The following RERE variants were observed in gnomAD, a reference collection of about 807,000 sequenced individuals.
RERE encodes arginine-glutamic acid dipeptide repeats.
In RERE, 40 loss-of-function variants were observed where a neutral mutation model predicts 146.1. The ratio of observed to expected loss-of-function variants is 0.27; its 90% CI spans 0.21 to 0.36. RERE has a LOEUF of 0.36. RERE is among the 10% of genes least tolerant of loss of function. RERE has a pLI of 1.00. For missense variants in RERE, 1,933 were observed against 2,138.7 expected, an observed-to-expected ratio of 0.90 and a Z score of 1.90; for synonymous variants, 1,003 against 866.0, an observed-to-expected ratio of 1.16 and a Z score of -2.78.
intron 7 of RERE, among the ~76,000 whole-genome samples, chr1:8,534,010 T>C (rs1244425485): frequency 6.6e-6 from 1 of 152,246 alleles, no homozygotes; most frequent in Non-Finnish European, 1.5e-5. Context: ...TAAATGTTTC[T>C]GAGAATTCAA....
intron 11 of RERE, chr1:8,424,906 T>TTG (rs1353670964): frequency 6.6e-6 from 1 of 152,450 alleles, no homozygotes; most frequent in East Asian, 1.9e-4. Context: ...TTCTGGGAAC[T>TTG]GCAAGGAGGA....
At chr1:8,604,848 C>G (rs1424975802) in intron 4 of RERE, among the ~76,000 whole-genome samples, 1 of 152,222 alleles carries the variant, frequency 6.6e-6, no homozygotes, top group East Asian at 1.9e-4. Context: ...AACCCTTCCA[C>G]TACTACATAA....
rs571037259 is a variant in RERE, at chr1:8,414,647, C to A, written c.1284+8080G>T. 2.8e-5 allele frequency among the ~76,000 whole-genome samples: 4 copies of A among 144,702 alleles called. No individual in the cohort carries two copies. The South Asian group carries it at 8.6e-4, about 31-fold the overall frequency. 94.9% of individuals were successfully genotyped at this position (144,702 alleles called of 152,430 possible). ...AGAAGAAGGATTTAAGACACTTGAGCAGAACAAAGAATTATATTTCCAAAG... is the reference window on the plus strand; with the variant it reads ...AGAAGAAGGATTTAAGACACTTGAGAAGAACAAAGAATTATATTTCCAAAG... On this transcript the variant is annotated intron_variant, in intron 12 of 22. Transcript: ENST00000400908.
chr1:8,784,390 A>G (rs1641223647), intron 1 of RERE, among the ~76,000 whole-genome samples: 1 of 152,076 alleles, frequency 6.6e-6, no homozygotes, highest in South Asian at 2.1e-4. Flanking sequence ...ACTACATAAC[A>G]TTCTTGTTTA....
chr1:8,768,314 T>C (rs966499956), intron 1 of RERE, among the ~76,000 whole-genome samples: 3 of 152,226 alleles, frequency 2.0e-5, no homozygotes, highest in African/African-American at 7.2e-5. Context: ...AAAACATTCT[T>C]TCCAGGAAAG....
intron 2 of RERE, among the ~76,000 whole-genome samples, chr1:8,637,887 A>G (rs1647121734): frequency 6.6e-6 from 1 of 152,242 alleles, no homozygotes; most frequent in African/African-American, 2.4e-5. Flanking sequence ...CAGACATACT[A>G]ACTCAGTAAT....
intron 12 of RERE, among the ~76,000 whole-genome samples, chr1:8,422,088 A>G (rs909821107): frequency 8.5e-5 from 13 of 152,168 alleles, no homozygotes; most frequent in Admixed American, 8.5e-4. Context: ...TCCTCAGCAA[A>G]TCCTTCTACC....
chr1:8,692,637 C>A (rs1242152819), intron 1 of RERE, among the ~76,000 whole-genome samples: 1 of 152,154 alleles, frequency 6.6e-6, no homozygotes, highest in Non-Finnish European at 1.5e-5. Flanking sequence ...GCATGAGCCA[C>A]CGTATTCGGC....
At chr1:8,662,881 G>T (rs1638486812) in intron 1 of RERE, among the ~76,000 whole-genome samples, 1 of 152,104 alleles carries the variant, frequency 6.6e-6, no homozygotes, top group African/African-American at 2.4e-5. Flanking sequence ...TGTAAAAGGG[G>T]ACAAGACCTA....
In RERE at chr1:8,733,839, G is replaced by A. The variant is rs529116054; in HGVS notation, c.-144-77398C>T. ...CTAAAATATGTATGTGGCTGGGCAC[G>A]GTGGCTCACGCCTATAATCCCAGCA... On this transcript the variant is annotated intron_variant, in intron 1 of 22. Transcript: ENST00000400908. Among the ~76,000 whole-genome samples, 21 of 152,344 alleles carry A rather than the reference G, an allele frequency of 1.4e-4. No homozygotes were observed. The South Asian group carries it at 1.4e-3, about 11-fold the overall frequency.
intron 1 of RERE, among the ~76,000 whole-genome samples, chr1:8,692,265 C>T (rs1639221930): frequency 1.3e-5 from 2 of 152,152 alleles, no homozygotes; most frequent in African/African-American, 4.8e-5. Flanking sequence ...TCCAGAACCT[C>T]CACAGATACC....
At chr1:8,422,705 C>CATA (rs770461246) in intron 12 of RERE, 22 bp downstream of exon 12, 1 of 1,566,764 alleles carries the variant, frequency 6.4e-7, no homozygotes, top group South Asian at 1.1e-5. Flanking sequence ...AATCAAGTTA[C>CATA]ATAAAGTCCA....
intron 12 of RERE, among the ~76,000 whole-genome samples, chr1:8,416,560 T>C (rs1643774594): frequency 7.8e-6 from 1 of 127,630 alleles, no homozygotes; most frequent in Non-Finnish European, 1.6e-5. Flanking sequence ...CACTCCAGCC[T>C]GGGCGACAGA....
chr1:8,560,427 C>T (rs556988878), intron 4 of RERE, among the ~76,000 whole-genome samples: 1 of 152,194 alleles, frequency 6.6e-6, no homozygotes, highest in East Asian at 1.9e-4. Flanking sequence ...TTAAGGAAAA[C>T]AAAATCAGAA....
intron 4 of RERE, chr1:8,590,879 C>G (rs1347383160): frequency 1.3e-5 from 2 of 152,256 alleles, no homozygotes; most frequent in African/African-American, 4.8e-5. Context: ...CACGCCTGCT[C>G]TCACCCAGAA....
chr1:8,767,066 G>A (rs992460974), intron 1 of RERE, among the ~76,000 whole-genome samples: 1 of 152,234 alleles, frequency 6.6e-6, no homozygotes, highest in Admixed American at 6.5e-5. Flanking sequence ...CTGAACTCAA[G>A]GCTCAAGGAA....
Position 8,516,227 on chromosome 1 carries a change from G to GGAA in RERE, c.831-7553_831-7552insTTC, listed in dbSNP as rs573135224. ...GGGACGGAGCAAGACTCTCTCAGAG[G>GGAA]AAAAAAAAAAAAAAAAAAAAAATCT... On this transcript the variant is annotated intron_variant, in intron 7 of 22. Coordinates refer to ENST00000400908, the MANE Select transcript of RERE (RefSeq NM_001042681.2). 4.2e-3 allele frequency among the ~76,000 whole-genome samples: 219 copies of GGAA among 52,326 alleles called. 20 individuals carry two copies. Among genetic ancestry groups the GGAA allele is most frequent in the African/African-American group, 0.014 (163 of 11,632 alleles). The allele number at this position is 52,326 out of a possible 152,430, so 34.3% of individuals were successfully genotyped here. A position where few individuals can be genotyped will look rare whatever the true frequency, so the allele number is the denominator to read the frequency against.
At chr1:8,414,055 CAAAAA>C (rs71580026) in intron 12 of RERE, among the ~76,000 whole-genome samples, 2 of 91,770 alleles carry the variant, frequency 2.2e-5, no homozygotes, top group African/African-American at 9.1e-5. Context: ...AACTCCATCT[CAAAAA>C]AAAAAAAAAA....
chr1:8,678,211 A>AT (rs1172409643), intron 1 of RERE, among the ~76,000 whole-genome samples: 3 of 152,294 alleles, frequency 2.0e-5, no homozygotes, highest in Non-Finnish European at 4.4e-5. Context: ...ATTAGATTTC[A>AT]TTTTTCATTA....
Sources: allele counts gnomAD v4.1 joint callset (sites outside exome capture counted in the v4.1 genomes callset), GRCh38; gene constraint gnomAD v4.1.1; transcripts MANE v1.5; gene names NCBI Gene and HGNC (gene_info 2026-07-23, HGNC 2026-07-21).